CFAP44: variants seen among roughly 807,000 people sequenced by gnomAD.
The protein encoded by CFAP44 is cilia- and flagella-associated protein 44.
In CFAP44, 134 loss-of-function variants were observed where a neutral mutation model predicts 216.2. That is an observed-to-expected ratio of 0.62 (90% CI 0.54 to 0.72). The LOEUF is 0.72. Among genes scored for constraint, CFAP44 ranks in the 30% least tolerant of loss-of-function variants. CFAP44 has a pLI of 0.00. For synonymous variants in CFAP44, 700 were observed against 727.6 expected (o/e 0.96, Z 0.61); for missense variants, 2,035 against 2,182.1 (o/e 0.93, Z 1.34).
At chr3:113,360,611 G>A (rs1430820613) in intron 21 of CFAP44, 1 of 159,700 alleles carries the variant, frequency 6.3e-6, no homozygotes, top group African/African-American at 2.4e-5. Flanking sequence ...TGTGGAATAT[G>A]TTCCAAGTCT....
chr3:113,424,116 C>T (rs890127160), intron 4 of CFAP44, among the ~76,000 whole-genome samples: 9 of 152,220 alleles, frequency 5.9e-5, no homozygotes, highest in African/African-American at 2.2e-4. Context: ...TTTAACATTG[C>T]TAAAATTTAG....
intron 21 of CFAP44, among the ~76,000 whole-genome samples, chr3:113,359,696 G>C (rs997511274): frequency 4.6e-5 from 7 of 151,940 alleles, no homozygotes; most frequent in African/African-American, 7.3e-5. Context: ...ACAGGACTGG[G>C]TAACCCATGA....
Position 113,407,015 on chromosome 3 carries a change from G to A in CFAP44, c.917C>T (p.Thr306Ile). 1 of 1,614,072 alleles carries A rather than the reference G, an allele frequency of 6.2e-7. No homozygotes were observed. The highest frequency in any genetic ancestry group is 8.5e-7 in the Non-Finnish European group (1 of 1,180,004). The change falls in exon 8 of 35, where the codon ACC (threonine) becomes ATC (isoleucine). Residue 306 changes from threonine (T) to isoleucine (I), a missense_variant. Thr to Ile is a moderately conservative substitution (Grantham distance 89). Around this residue, in one of 3 missense-constraint regions of CFAP44, gnomAD observed 1,883 missense variants for 2,023.7 expected, o/e 0.93. Coordinates refer to ENST00000393845, the MANE Select transcript of CFAP44 (RefSeq NM_001164496.2). ...TAGTGATCCCTGCAGCTTGAGACCG[G>A]TGAACGTAAAAGCCATTTCCCAGAA... ...IKFWEMAFTF[T>I]GLKLQGSLGR...
At chr3:113,340,786 C>T (rs1347601174) in intron 24 of CFAP44, among the ~76,000 whole-genome samples, 32 of 152,236 alleles carry the variant, frequency 2.1e-4, no homozygotes, top group Non-Finnish European at 1.5e-5. Context: ...ATCACAAGGA[C>T]AGAGGGATTT....
chr3:113,369,566 C>A (rs1933077834), intron 18 of CFAP44, among the ~76,000 whole-genome samples: 1 of 152,174 alleles, frequency 6.6e-6, no homozygotes, highest in Non-Finnish European at 1.5e-5. Flanking sequence ...ATCTCTGGGA[C>A]ACATTTAAAG....
chr3:113,313,280 C>A (rs1950056799), intron 28 of CFAP44, among the ~76,000 whole-genome samples: 1 of 152,016 alleles, frequency 6.6e-6, no homozygotes, highest in African/African-American at 2.4e-5. Context: ...TTGCATGGGC[C>A]CTGTAATCTC....
intron 18 of CFAP44, among the ~76,000 whole-genome samples, chr3:113,373,156 G>C (rs1933228389): frequency 1.3e-5 from 2 of 152,252 alleles, no homozygotes; most frequent in South Asian, 2.1e-4. Flanking sequence ...CATCCTCCTA[G>C]GTAGCAGAAT....
chr3:113,322,859 G>T (rs1250586012), intron 28 of CFAP44, among the ~76,000 whole-genome samples: 2 of 152,202 alleles, frequency 1.3e-5, no homozygotes, highest in Non-Finnish European at 2.9e-5. Context: ...ATTTATAAAT[G>T]AAAGAGGTTT....
chr3:113,373,304 C>A (rs1396825779), intron 18 of CFAP44, 107 bp downstream of exon 18: 1 of 1,095,162 alleles, frequency 9.1e-7, no homozygotes. Flanking sequence ...TTTTTGAGTA[C>A]CCCTTCATTT....
intron 15 of CFAP44, among the ~76,000 whole-genome samples, chr3:113,395,348 A>C (rs892629695): frequency 1.3e-5 from 2 of 152,234 alleles, no homozygotes; most frequent in Non-Finnish European, 2.9e-5. Flanking sequence ...AGAAGTAAAG[A>C]GATAAAGATG....
intron 24 of CFAP44, 47 bp downstream of exon 24, chr3:113,341,697 G>T: frequency 6.5e-6 from 9 of 1,381,698 alleles, no homozygotes; most frequent in Non-Finnish European, 8.4e-6. Flanking sequence ...TATTATTTTG[G>T]GGCTCACATA....
intron 9 of CFAP44, among the ~76,000 whole-genome samples, chr3:113,402,051 A>G (rs1479642529): frequency 6.6e-6 from 1 of 152,224 alleles, no homozygotes; most frequent in Non-Finnish European, 1.5e-5. Flanking sequence ...CTCTTTTTAC[A>G]TAAAGTGGCC....
At chr3:113,304,367 A>G (rs1001301983) in intron 31 of CFAP44, 7 of 449,784 alleles carry the variant, frequency 1.6e-5, no homozygotes, top group Middle Eastern at 1.2e-3. Context: ...TCTACTGCAT[A>G]ATGATGTGAC....
intron 18 of CFAP44, among the ~76,000 whole-genome samples, chr3:113,372,188 A>T (rs1194201959): frequency 6.6e-6 from 1 of 152,242 alleles, no homozygotes; most frequent in Non-Finnish European, 1.5e-5. Context: ...TCAAGGATCT[A>T]CAACTAGAAA....
chr3:113,373,567 G>C lies in CFAP44; in HGVS notation c.2299-11C>G. On this transcript the variant is annotated splice_polypyrimidine_tract_variant and intron_variant, in intron 17 of 34. Transcript: ENST00000393845. Reference sequence around the variant, plus strand: ...AGAATCATAGCCACCCTAGAAAAGAGATAAGTAACATAGAAGGTGGTACTT... The same window carrying C: ...AGAATCATAGCCACCCTAGAAAAGACATAAGTAACATAGAAGGTGGTACTT... 1 of 1,564,322 alleles carries C rather than the reference G, an allele frequency of 6.4e-7. No individual in the cohort carries two copies. Among genetic ancestry groups the C allele is most frequent in the Non-Finnish European group, 8.7e-7 (1 of 1,154,662 alleles).
chr3:113,398,228 T>C (rs1934045110), intron 13 of CFAP44, among the ~76,000 whole-genome samples: 1 of 152,080 alleles, frequency 6.6e-6, no homozygotes, highest in South Asian at 2.1e-4. Flanking sequence ...ATAAAGCACA[T>C]AATCTTAGTA....
chr3:113,291,763 C>T lies in CFAP44; in HGVS notation c.5374-15G>A, dbSNP rs1270259755. The stretch of plus-strand genomic sequence containing the variant: ...AAGGCATTGCCCTGTTGAAAGAAAA[C>T]AGCTCCCTGTTGAAGCATCATTTGG... On this transcript the variant is annotated splice_polypyrimidine_tract_variant and intron_variant, in intron 34 of 34. Transcript: ENST00000393845. 2 of 1,534,710 alleles carry T rather than the reference C, an allele frequency of 1.3e-6. No homozygotes were observed. Among genetic ancestry groups the T allele is most frequent in the Non-Finnish European group, 1.7e-6 (2 of 1,146,444 alleles).
chr3:113,437,568 G>A (rs1307095126), intron 1 of CFAP44, among the ~76,000 whole-genome samples: 2 of 152,196 alleles, frequency 1.3e-5, no homozygotes, highest in African/African-American at 4.8e-5. Flanking sequence ...ATGTCAGGTT[G>A]TGTACAATGT....
chr3:113,341,020 C>T (rs1437358689), intron 24 of CFAP44, among the ~76,000 whole-genome samples: 2 of 152,172 alleles, frequency 1.3e-5, no homozygotes, highest in Non-Finnish European at 2.9e-5. Context: ...GGCGTGCTGG[C>T]ATCTGTTGAT....
Sources: allele counts gnomAD v4.1 joint callset (sites outside exome capture counted in the v4.1 genomes callset), GRCh38; gene constraint gnomAD v4.1.1; regional missense constraint gnomAD v4.1.1; transcripts MANE v1.5; gene names NCBI Gene and HGNC (gene_info 2026-07-23, HGNC 2026-07-21).